CFAP20DC: variants seen among roughly 807,000 people sequenced by gnomAD.
The protein encoded by CFAP20DC is protein CFAP20DC.
Under a neutral mutation model 101.7 loss-of-function variants are expected in CFAP20DC, and 84 were observed. The ratio of observed to expected loss-of-function variants is 0.83; its 90% CI spans 0.69 to 0.99. The LOEUF (loss-of-function observed/expected upper bound fraction) is 0.99. CFAP20DC is among the 50% of genes least tolerant of loss of function. CFAP20DC has a pLI of 0.00. For synonymous variants in CFAP20DC, 359 were observed against 351.2 expected, an observed-to-expected ratio of 1.02 and a Z score of -0.25; for missense variants, 1,007 against 970.3, an observed-to-expected ratio of 1.04 and a Z score of -0.50.
intron 6 of CFAP20DC, 64 bp from the exon 7 acceptor site, chr3:58,884,773 T>C: frequency 3.1e-6 from 4 of 1,303,752 alleles, no homozygotes; most frequent in Non-Finnish European, 2.2e-6. Flanking sequence ...GGACCTATCA[T>C]ATAAATGAAA....
At chr3:58,909,297 T>C (rs2083910799) in intron 6 of CFAP20DC, among the ~76,000 whole-genome samples, 2 of 152,172 alleles carry the variant, frequency 1.3e-5, no homozygotes, top group South Asian at 4.1e-4. Flanking sequence ...TTCATTTTAC[T>C]ATGAGCCTAA....
chr3:58,763,755 C>T (rs2069933241), intron 15 of CFAP20DC, among the ~76,000 whole-genome samples: 1 of 152,198 alleles, frequency 6.6e-6, no homozygotes, highest in Admixed American at 6.5e-5. Context: ...TTCCTTGTAA[C>T]AGTCAGGACC....
chr3:58,826,217 A>G (rs1304448648), intron 14 of CFAP20DC, among the ~76,000 whole-genome samples: 2 of 152,218 alleles, frequency 1.3e-5, no homozygotes, highest in Non-Finnish European at 2.9e-5. Context: ...TGAAAATATT[A>G]CATGCATCAC....
At chr3:58,755,053 C>T (rs552268082) in intron 15 of CFAP20DC, among the ~76,000 whole-genome samples, 11 of 152,126 alleles carry the variant, frequency 7.2e-5, no homozygotes, top group Middle Eastern at 3.4e-3. Context: ...GGAACTAAAC[C>T]GGTAAAGGAT....
Position 59,049,985 on chromosome 3 carries a change from G to A in CFAP20DC, c.-354C>T, listed in dbSNP as rs1385377189. 3 of 265,492 alleles carry A rather than the reference G, an allele frequency of 1.1e-5. No individual in the cohort carries two copies. Among genetic ancestry groups the A allele is most frequent in the African/African-American group, 2.2e-5 (1 of 44,858 alleles). 16.4% of individuals were successfully genotyped at this position (265,492 alleles called of 1,614,324 possible). On this transcript the variant is annotated 5_prime_UTR_variant, in exon 1 of 17. Coordinates refer to ENST00000482387, the MANE Select transcript of CFAP20DC (RefSeq NM_001394063.1). ...CACAGACAACCGCCCGCTGGCCTAGGAAAAGCGGGCGCGCTCCCGCTGCCG... is the reference window on the plus strand; with the variant it reads ...CACAGACAACCGCCCGCTGGCCTAGAAAAAGCGGGCGCGCTCCCGCTGCCG...
rs1364990997 is a variant in CFAP20DC at position 58,849,013 on chromosome 3, C to T, written c.1971+19G>A. On this transcript the variant is annotated intron_variant, in intron 13 of 16. Coordinates refer to ENST00000482387, the MANE Select transcript of CFAP20DC (RefSeq NM_001394063.1). ...AGGATGTATTGCCGGCATCTGTAAACCACACGGGAACCACTTACAGATGCT... is the reference window on the plus strand; with the variant it reads ...AGGATGTATTGCCGGCATCTGTAAATCACACGGGAACCACTTACAGATGCT... 2.0e-6 allele frequency: 3 copies of T among 1,530,902 alleles called. No homozygotes were observed. The highest frequency in any genetic ancestry group is 2.4e-5 in the South Asian group (2 of 83,350). 94.8% of individuals were successfully genotyped at this position (1,530,902 alleles called of 1,614,324 possible). A position where few individuals can be genotyped will look rare whatever the true frequency, so the allele number is the denominator to read the frequency against.
chr3:58,751,107 C>T (rs1158121900), intron 16 of CFAP20DC, among the ~76,000 whole-genome samples: 2 of 152,024 alleles, frequency 1.3e-5, no homozygotes, highest in African/African-American at 4.8e-5. Flanking sequence ...CTTCTCTTCT[C>T]CTTTCTAATG....
At chr3:58,730,002 G>C (rs2067613363) in intron 3 of CFAP20DC, among the ~76,000 whole-genome samples, 1 of 138,986 alleles carries the variant, frequency 7.2e-6, no homozygotes, top group African/African-American at 2.8e-5. Context: ...TGGGCAATGA[G>C]AGCGAAACCT....
At chr3:59,020,403 G>A (rs539477126) in intron 4 of CFAP20DC, among the ~76,000 whole-genome samples, 7 of 152,040 alleles carry the variant, frequency 4.6e-5, no homozygotes, top group African/African-American at 1.7e-4. Context: ...AGGATAGGAG[G>A]GTCCTCACTT....
chr3:58,881,759 T>C (rs1215666366), intron 7 of CFAP20DC, among the ~76,000 whole-genome samples: 1 of 152,174 alleles, frequency 6.6e-6, no homozygotes, highest in Non-Finnish European at 1.5e-5. Flanking sequence ...CATTTTCTCA[T>C]GCAATTCAAA....
rs139315997 is a variant in CFAP20DC at position 59,011,336 on chromosome 3, T to G, written c.278+28221A>C. ...CTGCTTGAACCTGGGAGGTGGAGGT[T>G]GAAGTGAGTCAAGATTGCACCACTA... is the stretch of plus-strand genomic sequence containing the variant. On this transcript the variant is annotated intron_variant, in intron 4 of 16. Coordinates refer to ENST00000482387, the MANE Select transcript of CFAP20DC (RefSeq NM_001394063.1). 8.6e-3 allele frequency among the ~76,000 whole-genome samples: 1,295 copies of G among 150,362 alleles called. 10 individuals carry two copies. Among genetic ancestry groups the G allele is most frequent in the South Asian group, 0.032 (154 of 4,782 alleles).
chr3:59,014,245 G>A lies in CFAP20DC; in HGVS notation c.278+25312C>T, dbSNP rs946601670. 1.3e-5 allele frequency among the ~76,000 whole-genome samples: 2 copies of A among 152,092 alleles called. No individual in the cohort carries two copies. Among genetic ancestry groups the A allele is most frequent in the African/African-American group, 2.4e-5 (1 of 41,410 alleles). On this transcript the variant is annotated intron_variant, in intron 4 of 16. Transcript: ENST00000482387. This position sits in a 1 kb window ranked among gnomAD's most constrained non-coding sequence, Gnocchi z 4.9. Reference sequence around the variant, plus strand: ...CATAACAAAATGGGAAAAAAAGATCGACCTTAAACTAGATTTCCAACATTT... The same window carrying A: ...CATAACAAAATGGGAAAAAAAGATCAACCTTAAACTAGATTTCCAACATTT...
At chr3:58,862,457 T>C (rs997713327) in intron 12 of CFAP20DC, 8 of 985,228 alleles carry the variant, frequency 8.1e-6, no homozygotes, top group African/African-American at 1.7e-5. Context: ...TTGCAGTAGG[T>C]TATGTTTGGT....
intron 4 of CFAP20DC, among the ~76,000 whole-genome samples, chr3:58,994,209 G>C (rs1300742758): frequency 2.6e-5 from 4 of 152,182 alleles, no homozygotes; most frequent in Admixed American, 2.0e-4. Flanking sequence ...TACCTTGCAA[G>C]CTCAGCACAC....
rs1487068992 is a variant in CFAP20DC at position 58,957,972 on chromosome 3, T to A, written c.279-20210A>T. The stretch of plus-strand genomic sequence containing the variant: ...TGACTATAGTCAATAATAATTTAAT[T>A]GTACATTTAAAAACTAAAAGTATAA... On this transcript the variant is annotated intron_variant, in intron 4 of 16. Transcript: ENST00000482387. Among the ~76,000 whole-genome samples, 5 of 152,140 alleles carry A rather than the reference T, an allele frequency of 3.3e-5. No homozygotes were observed. In the East Asian group the frequency reaches 9.6e-4, roughly 29 times the overall value.
In CFAP20DC at chr3:58,864,044, G is replaced by C; in HGVS notation, c.1259-152C>G. The stretch of plus-strand genomic sequence containing the variant: ...GCGATCTCGGCTCACTGCAACCTCC[G>C]CCTCCCAACCTTCAAGTGATTCTCC... On this transcript the variant is annotated intron_variant, in intron 11 of 16. Coordinates refer to ENST00000482387, the MANE Select transcript of CFAP20DC (RefSeq NM_001394063.1). This position sits in a 1 kb window ranked among gnomAD's most constrained non-coding sequence, Gnocchi z 4.7. 1 of 717,978 alleles carries C rather than the reference G, an allele frequency of 1.4e-6. No homozygotes were observed. The highest frequency in any genetic ancestry group is 2.2e-6 in the Non-Finnish European group (1 of 454,812). 44.5% of individuals were successfully genotyped at this position (717,978 alleles called of 1,614,324 possible). A position where few individuals can be genotyped will look rare whatever the true frequency, so the allele number is the denominator to read the frequency against.
intron 5 of CFAP20DC, among the ~76,000 whole-genome samples, chr3:58,922,012 C>G (rs1314182217): frequency 6.6e-6 from 1 of 152,194 alleles, no homozygotes; most frequent in African/African-American, 2.4e-5. Context: ...TATACGTACT[C>G]TAGCTTTTTT....
intron 6 of CFAP20DC, among the ~76,000 whole-genome samples, chr3:58,885,345 TA>T (rs1226998578): frequency 6.6e-6 from 1 of 152,086 alleles, no homozygotes; most frequent in African/African-American, 2.4e-5. Flanking sequence ...AATTGTCTCT[TA>T]AAAATTGCTT....
Position 58,892,650 on chromosome 3 carries a change from A to G in CFAP20DC, c.551-7941T>C, listed in dbSNP as rs1462999483. Among the ~76,000 whole-genome samples, 1 of 152,170 alleles carries G rather than the reference A, an allele frequency of 6.6e-6. No homozygotes were observed. The highest frequency in any genetic ancestry group is 2.4e-5 in the African/African-American group (1 of 41,432). Reference sequence around the variant, plus strand: ...CTCTCTGCTTGCCTGTTGTTGGTGTATAGGAATGCTAGCAATGTTTGCACA... The same window carrying G: ...CTCTCTGCTTGCCTGTTGTTGGTGTGTAGGAATGCTAGCAATGTTTGCACA... On this transcript the variant is annotated intron_variant, in intron 6 of 16. Coordinates refer to ENST00000482387, the MANE Select transcript of CFAP20DC (RefSeq NM_001394063.1). The surrounding 1 kb of genome is among the most constrained non-coding windows in gnomAD (Gnocchi z 4.0).
Sources: allele counts gnomAD v4.1 joint callset (sites outside exome capture counted in the v4.1 genomes callset), GRCh38; gene constraint gnomAD v4.1.1; non-coding constraint Gnocchi (gnomAD v3.1); transcripts MANE v1.5; gene names NCBI Gene and HGNC (gene_info 2026-07-23, HGNC 2026-07-21).